The following LUC7L2 variants were observed in gnomAD, a reference collection of about 807,000 sequenced individuals.
The protein encoded by LUC7L2 is LUC7 like 2, pre-mRNA splicing factor, also known as putative RNA-binding protein Luc7-like 2.
Under a neutral mutation model 52.8 loss-of-function variants are expected in LUC7L2, and 25 were observed. The observed-to-expected ratio is 0.47, with a 90% CI of 0.34 to 0.66. The LOEUF (loss-of-function observed/expected upper bound fraction) is 0.66, where lower values mean the gene tolerates loss of function less well. Among genes scored for constraint, LUC7L2 ranks in the 30% least tolerant of loss-of-function variants. The pLI is 0.01. For synonymous variants in LUC7L2, 144 were observed against 160.9 expected (o/e 0.89, Z 0.80); for missense variants, 328 against 497.8 (o/e 0.66, Z 3.25).
At chr7:139,359,456 A>C, upstream of LUC7L2, 4 of 175,828 alleles carry the variant, frequency 2.3e-5, no homozygotes, top group Admixed American at 6.3e-5. Flanking sequence ...GCGCACGAGA[A>C]CCAGGACGCG....
At chr7:139,352,036 A>G (rs1474929418) in intron 1 of LUC7L2, among the ~76,000 whole-genome samples, 1 of 152,042 alleles carries the variant, frequency 6.6e-6, no homozygotes, top group Non-Finnish European at 1.5e-5. Context: ...CTCTAAAAAA[A>G]ATGTAAAAAT....
At chr7:139,365,016 T>C (rs1378560178) in intron 1 of LUC7L2, among the ~76,000 whole-genome samples, 2 of 152,254 alleles carry the variant, frequency 1.3e-5, no homozygotes, top group Non-Finnish European at 2.9e-5. Context: ...GTCTAGAGCT[T>C]GTAAATTCTT....
intron 2 of LUC7L2, among the ~76,000 whole-genome samples, chr7:139,382,141 T>C (rs11770569): frequency 0.38 from 58,163 of 151,352 alleles, 15,569 homozygotes; most frequent in African/African-American, 0.77. Context: ...CCGCCTACCT[T>C]GGCCTCCCAA....
At chr7:139,383,723 C>CT (rs149098259) in intron 2 of LUC7L2, among the ~76,000 whole-genome samples, 37,261 of 142,390 alleles carry the variant, frequency 0.26, 5,278 homozygotes, top group African/African-American at 0.37. Context: ...GCCTTGATGT[C>CT]TTTTTTTTTT....
chr7:139,351,780 C>T (rs1799465630), intron 1 of LUC7L2, among the ~76,000 whole-genome samples: 1 of 152,218 alleles, frequency 6.6e-6, no homozygotes, highest in African/African-American at 2.4e-5. Flanking sequence ...TCATACTCCC[C>T]TTCAATAGCT....
chr7:139,340,798 C>T (rs1320555442), intron 1 of LUC7L2, among the ~76,000 whole-genome samples: 1 of 151,964 alleles, frequency 6.6e-6, no homozygotes, highest in Non-Finnish European at 1.5e-5. Context: ...CCTTTTTTCC[C>T]CTTTCTAAAC....
intron 1 of LUC7L2, chr7:139,374,689 AC>A: frequency 7.5e-7 from 1 of 1,325,542 alleles, no homozygotes; most frequent in Non-Finnish European, 9.6e-7. Flanking sequence ...ACTATAAATT[AC>A]TGTTGTTAAA....
intron 1 of LUC7L2, chr7:139,341,672 C>G (rs1008896773): frequency 7.3e-7 from 1 of 1,369,318 alleles, no homozygotes; most frequent in Non-Finnish European, 9.6e-7. Context: ...AACCCAGGCC[C>G]TAGGCTCCAT....
At chr7:139,348,669 A>G (rs1446365652) in intron 1 of LUC7L2, among the ~76,000 whole-genome samples, 1 of 152,016 alleles carries the variant, frequency 6.6e-6, no homozygotes, top group East Asian at 1.9e-4. Flanking sequence ...CAGTGAGCCA[A>G]GATCACACAA....
chr7:139,371,372 T>A, intron 1 of LUC7L2: 1 of 871,968 alleles, frequency 1.1e-6, no homozygotes, highest in Non-Finnish European at 1.9e-6. Context: ...CTAAACTCAG[T>A]TCACTTTTGC....
intron 2 of LUC7L2, among the ~76,000 whole-genome samples, chr7:139,379,951 A>G (rs527828002): frequency 1.5e-4 from 23 of 152,190 alleles, no homozygotes; most frequent in African/African-American, 4.3e-4. Context: ...TGGGAGGCCG[A>G]TCACTTGAGG....
In LUC7L2 at chr7:139,412,391, G is replaced by A. The variant is rs186085866; in HGVS notation, c.780-160G>A. Among the ~76,000 whole-genome samples the A allele has an allele frequency of 1.2e-3, 185 of 152,156 alleles. No individual in the cohort carries two copies. The Middle Eastern group carries it at 0.014, about 11-fold the overall frequency. ...ACCCTGCAAGGTGAAGAAATCTGTC[G>A]AGTTTGTGGTGTCTTTTGGAAAATT... On this transcript the variant is annotated intron_variant, in intron 7 of 9. Transcript: ENST00000354926.
chr7:139,393,004 C>T (rs1371591150), intron 2 of LUC7L2, among the ~76,000 whole-genome samples: 6 of 151,796 alleles, frequency 4.0e-5, no homozygotes, highest in African/African-American at 1.5e-4. Context: ...TGGTGGCTCA[C>T]GCCTGTAATC....
chr7:139,375,002 C>A, intron 1 of LUC7L2: 1 of 985,290 alleles, frequency 1.0e-6, no homozygotes, highest in Non-Finnish European at 1.2e-6. Context: ...GTTCTTGCTT[C>A]AGTAATTCAC....
At chr7:139,360,382 G>T (rs1195493885) in intron 1 of LUC7L2, 60 bp downstream of exon 1, 2 of 1,501,320 alleles carry the variant, frequency 1.3e-6, no homozygotes, top group East Asian at 2.6e-5. Context: ...AAGGGAAGGG[G>T]TTCCGAGGGC....
At chr7:139,362,506 A>G (rs1799939639) in intron 1 of LUC7L2, among the ~76,000 whole-genome samples, 2 of 152,164 alleles carry the variant, frequency 1.3e-5, no homozygotes, top group African/African-American at 4.8e-5. Context: ...TGGACACACA[A>G]ACAGCCTATG....
At chr7:139,365,850 GAA>G (rs1420286286) in intron 1 of LUC7L2, among the ~76,000 whole-genome samples, 5 of 152,208 alleles carry the variant, frequency 3.3e-5, no homozygotes, top group African/African-American at 9.7e-5. Context: ...ATGAGGGAGT[GAA>G]GAGGGAATCT....
At chr7:139,421,100 C>CTT (rs893993721) in intron 9 of LUC7L2, among the ~76,000 whole-genome samples, 1 of 152,170 alleles carries the variant, frequency 6.6e-6, no homozygotes, top group South Asian at 2.1e-4. Flanking sequence ...CGTGCCCAGT[C>CTT]TTTTTATATC....
chr7:139,353,366 A>G (rs2131160459), intron 1 of LUC7L2, among the ~76,000 whole-genome samples: 1 of 152,322 alleles, frequency 6.6e-6, no homozygotes, highest in South Asian at 2.1e-4. Flanking sequence ...TGTTACTTGT[A>G]CCTATTCTGT....
Sources: allele counts gnomAD v4.1 joint callset (sites outside exome capture counted in the v4.1 genomes callset), GRCh38; gene constraint gnomAD v4.1.1; transcripts MANE v1.5; gene names NCBI Gene and HGNC (gene_info 2026-07-23, HGNC 2026-07-21).